Variants in PPCS observed in about 807,000 individuals in gnomAD.
The protein encoded by PPCS is phosphopantothenate--cysteine ligase.
PPCS carries 17 observed loss-of-function variants against 24.6 expected under a neutral mutation model. That is an observed-to-expected ratio of 0.69 (90% CI 0.47 to 1.04). The LOEUF (loss-of-function observed/expected upper bound fraction) is 1.04, where lower values mean the gene tolerates loss of function less well. Among genes scored for constraint, PPCS ranks in the 50% least tolerant of loss-of-function variants. PPCS has a pLI of 0.00. For missense variants in PPCS, 360 were observed against 402.8 expected (o/e 0.89, Z 0.91); for synonymous variants, 190 against 168.3 (o/e 1.13, Z -1.00).
rs574857071 is a variant in PPCS at position 42,473,316 on chromosome 1, A to G, written n.572A>G. 1.4e-5 allele frequency: 17 copies of G among 1,209,252 alleles called. No individual in the cohort carries two copies. In the African/African-American group the frequency reaches 2.7e-4, roughly 19 times the overall value. 74.9% of individuals were successfully genotyped at this position (1,209,252 alleles called of 1,614,324 possible). Reference sequence around the variant, plus strand: ...TGAAACAAAAGAAGTGAGAACTAATAGCATAGAATTTTAAAGACACCTGTG... The same window carrying G: ...TGAAACAAAAGAAGTGAGAACTAATGGCATAGAATTTTAAAGACACCTGTG... On this transcript the variant is annotated non_coding_transcript_exon_variant, in exon 3 of 3. Transcript: ENST00000471420.
chr1:42,463,959 C>T (rs1338252811), downstream of PPCS: 1 of 152,264 alleles, frequency 6.6e-6, no homozygotes, highest in Non-Finnish European at 1.5e-5. Context: ...ACTCCAAGCA[C>T]CAGCTTTCTC....
Position 42,460,520 on chromosome 1 carries a change from G to C in PPCS, c.*594G>C, listed in dbSNP as rs1343144321. The C allele has an allele frequency of 3.1e-6, 1 of 319,282 alleles. No individual in the cohort carries two copies. Among genetic ancestry groups the C allele is most frequent in the Non-Finnish European group, 4.5e-6 (1 of 220,766 alleles). 19.8% of individuals were successfully genotyped at this position (319,282 alleles called of 1,614,324 possible). ...GAGCTTTTCACTGCATTTACTTTTTGCTTCTTATTGTAGATTCACCTCATG... is the reference window on the plus strand; with the variant it reads ...GAGCTTTTCACTGCATTTACTTTTTCCTTCTTATTGTAGATTCACCTCATG... On this transcript the variant is annotated 3_prime_UTR_variant, in exon 3 of 3. Coordinates refer to ENST00000372561, the MANE Select transcript of PPCS (RefSeq NM_024664.4).
intron 2 of PPCS, among the ~76,000 whole-genome samples, chr1:42,458,318 T>TA (rs1165681605): frequency 6.6e-6 from 1 of 152,038 alleles, no homozygotes; most frequent in Non-Finnish European, 1.5e-5. Flanking sequence ...AAGGAAGAAA[T>TA]ATGGATAAGG....
At chr1:42,462,890 C>T (rs1243721595), downstream of PPCS, among the ~76,000 whole-genome samples, 2 of 152,208 alleles carry the variant, frequency 1.3e-5, no homozygotes, top group Admixed American at 1.3e-4. Context: ...GCTAGTGACA[C>T]GATCTAGGCC....
Position 42,460,328 on chromosome 1 carries a change from G to A in PPCS, c.*402G>A, listed in dbSNP as rs145650298. The stretch of plus-strand genomic sequence containing the variant: ...GCTGAGCCATGAGGATTAAAAAGAT[G>A]AATAAACATATCTTGTTTAGGAAAT... On this transcript the variant is annotated 3_prime_UTR_variant, in exon 3 of 3. Coordinates refer to ENST00000372561, the MANE Select transcript of PPCS (RefSeq NM_024664.4). The A allele has an allele frequency of 3.1e-3, 3,101 of 987,060 alleles. 9 individuals carry two copies. The highest frequency in any genetic ancestry group is 0.01 in the Middle Eastern group (20 of 1,916). 61.1% of individuals were successfully genotyped at this position (987,060 alleles called of 1,614,324 possible). A position where few individuals can be genotyped will look rare whatever the true frequency, so the allele number is the denominator to read the frequency against.
chr1:42,459,305 G>A (rs1251175449), intron 2 of PPCS: 2 of 318,320 alleles, frequency 6.3e-6, no homozygotes, highest in Non-Finnish European at 1.2e-5. Flanking sequence ...TGGGACTACA[G>A]GTGGGTGCCA....
chr1:42,458,548 A>G (rs1643306513), intron 2 of PPCS, among the ~76,000 whole-genome samples: 1 of 152,222 alleles, frequency 6.6e-6, no homozygotes, highest in African/African-American at 2.4e-5. Flanking sequence ...TGCAGAGGAG[A>G]CAATAAATAA....
chr1:42,457,154 C>T, intron 1 of PPCS, 81 bp downstream of exon 1: 8 of 1,593,848 alleles, frequency 5.0e-6, no homozygotes, highest in Non-Finnish European at 6.8e-6. Context: ...TCCTGCTTAC[C>T]CACGGATCTC....
rs1643375444 is a variant in PPCS at position 42,460,276 on chromosome 1, T to G, written c.*350T>G. 9.9e-7 allele frequency: 1 copy of G among 1,014,800 alleles called. No homozygotes were observed. The highest frequency in any genetic ancestry group is 1.2e-6 in the Non-Finnish European group (1 of 846,856). 62.9% of individuals were successfully genotyped at this position (1,014,800 alleles called of 1,614,324 possible). On this transcript the variant is annotated 3_prime_UTR_variant, in exon 3 of 3. Coordinates refer to ENST00000372561, the MANE Select transcript of PPCS (RefSeq NM_024664.4). ...CATGCTTTGGAGATCAAATATTGGT[T>G]GAATGCCTATGTATGTCAGGCCCTG...
chr1:42,470,727 C>T (rs915997202), intron 2 of PPCS, among the ~76,000 whole-genome samples: 6 of 152,092 alleles, frequency 3.9e-5, no homozygotes, highest in African/African-American at 1.4e-4. Flanking sequence ...TGTATGATTC[C>T]ATTTCTATGA....
chr1:42,465,544 A>G (rs1012900131), downstream of PPCS, among the ~76,000 whole-genome samples: 1 of 152,024 alleles, frequency 6.6e-6, no homozygotes, highest in Non-Finnish European at 1.5e-5. Context: ...TTGTATTTTT[A>G]GTAGAGACGG....
rs1199107403 is a variant in PPCS at position 42,460,222 on chromosome 1, A to G, written c.*296A>G. 1 of 1,084,610 alleles carries G rather than the reference A, an allele frequency of 9.2e-7. No individual in the cohort carries two copies. Among genetic ancestry groups the G allele is most frequent in the Non-Finnish European group, 1.1e-6 (1 of 892,420 alleles). The allele number at this position is 1,084,610 out of a possible 1,614,324, so 67.2% of individuals were successfully genotyped here. A position where few individuals can be genotyped will look rare whatever the true frequency, so the allele number is the denominator to read the frequency against. On this transcript the variant is annotated 3_prime_UTR_variant, in exon 3 of 3. Transcript: ENST00000372561. ...TGAATGTCAGCCATCTTTATACTAT[A>G]GAAAAAGGATTATGGATGCATGAAT...
exon 3 of PPCS, chr1:42,473,199 A>G (rs1265518028): frequency 7.8e-5 from 96 of 1,231,216 alleles, no homozygotes; most frequent in Non-Finnish European, 9.5e-5. Context: ...CAGAAGAACA[A>G]CTCTGTTTGG....
At chr1:42,456,362 T>TC (rs1262424085), upstream of PPCS, 1 of 643,782 alleles carries the variant, frequency 1.6e-6, no homozygotes, top group East Asian at 2.9e-5. Context: ...CAGCCGGGGA[T>TC]CCCCCTCGTT....
At chr1:42,463,628 T>C (rs1484903898), downstream of PPCS, 3 of 152,170 alleles carry the variant, frequency 2.0e-5, no homozygotes, top group East Asian at 1.9e-4. Flanking sequence ...CCGCTTATTA[T>C]TAGAGCGGGC....
intron 2 of PPCS, among the ~76,000 whole-genome samples, chr1:42,471,855 A>T (rs1438727238): frequency 1.3e-5 from 2 of 150,964 alleles, no homozygotes; most frequent in Non-Finnish European, 2.9e-5. Context: ...AAAACTTAGC[A>T]ATCAAGGAGA....
Position 42,457,188 on chromosome 1 carries a change from G to A in PPCS, c.509-59G>A, listed in dbSNP as rs1643237347. ...TCAGCTGGGGAACCCGAGTTGAGAA[G>A]GAGCTGATCCTATATCGTACCTCGC... is the stretch of plus-strand genomic sequence containing the variant. On this transcript the variant is annotated intron_variant, in intron 1 of 2. Transcript: ENST00000372561. 1.2e-5 allele frequency: 20 copies of A among 1,607,406 alleles called. No homozygotes were observed. The South Asian group carries it at 2.2e-4, about 18-fold the overall frequency.
chr1:42,468,502 A>C (rs1409615610), intron 2 of PPCS, among the ~76,000 whole-genome samples: 1 of 152,220 alleles, frequency 6.6e-6, no homozygotes, highest in Non-Finnish European at 1.5e-5. Flanking sequence ...TGTATCTATC[A>C]GTAAGGAAGT....
Position 42,456,695 on chromosome 1 carries a change from G to C in PPCS, c.130G>C (p.Gly44Arg), listed in dbSNP as rs1367857191. Residue 44 changes from glycine to arginine, a missense_variant, in exon 1 of 3, where the codon GGC (glycine) becomes CGC (arginine). This residue lies in a region of PPCS where 244 missense variants were observed against 234.7 expected (regional missense o/e 1.04). Transcript: ENST00000372561. ...GCGGGTGGTGTTGGTTACGTCAGGC[G>C]GCACCAAGGTCCCACTGGAAGCGCG... ...GRRVVLVTSG[G>R]TKVPLEARPV... 6.2e-7 allele frequency: 1 copy of C among 1,607,106 alleles called. No homozygotes were observed. Among genetic ancestry groups the C allele is most frequent in the Admixed American group, 1.7e-5 (1 of 59,816 alleles).
Sources: allele counts gnomAD v4.1 joint callset (sites outside exome capture counted in the v4.1 genomes callset), GRCh38; gene constraint gnomAD v4.1.1; regional missense constraint gnomAD v4.1.1; transcripts MANE v1.5; gene names NCBI Gene and HGNC (gene_info 2026-07-23, HGNC 2026-07-21).